FKBP11: variants seen among roughly 807,000 people sequenced by gnomAD.
The protein encoded by FKBP11 is peptidyl-prolyl cis-trans isomerase FKBP11.
A neutral mutation model predicts 24.7 loss-of-function variants in FKBP11; 21 were observed. The observed-to-expected ratio is 0.85, with a 90% CI of 0.60 to 1.23. The LOEUF is 1.23. FKBP11 is among the 50% of genes most tolerant of loss of function. The pLI is 0.00. For missense variants in FKBP11, 245 were observed against 248.7 expected, an observed-to-expected ratio of 0.99 and a Z score of 0.10; for synonymous variants, 106 against 100.6, an observed-to-expected ratio of 1.05 and a Z score of -0.32.
upstream of FKBP11, among the ~76,000 whole-genome samples, chr12:48,928,313 G>C (rs1270420688): frequency 3.3e-5 from 5 of 151,380 alleles, no homozygotes; most frequent in Non-Finnish European, 5.9e-5. Flanking sequence ...TTAAAGTGCT[G>C]GGATTACAGG....
At chr12:48,933,314 G>T in the FKBP11 span, among the ~76,000 whole-genome samples, 1 of 152,154 alleles carries the variant, frequency 6.6e-6, no homozygotes, top group Admixed American at 6.5e-5. Context: ...TCACTCCCCA[G>T]TGACCAGCAA....
upstream of FKBP11, among the ~76,000 whole-genome samples, chr12:48,929,631 G>A (rs1410142197): frequency 6.6e-6 from 1 of 152,124 alleles, no homozygotes; most frequent in Non-Finnish European, 1.5e-5. Flanking sequence ...GCCCTAATCT[G>A]CTTTTCCAAA....
At chr12:48,938,383 G>T in the FKBP11 span, 1 of 454,292 alleles carries the variant, frequency 2.2e-6, no homozygotes, top group South Asian at 1.6e-5. Flanking sequence ...GGCTCCAGTG[G>T]GCAGTGTCCT....
At chr12:48,934,418 G>A in the FKBP11 span, among the ~76,000 whole-genome samples, 1,986 of 152,286 alleles carry the variant, frequency 0.013, 26 homozygotes, top group Non-Finnish European at 0.021. Flanking sequence ...TGGAAGATGG[G>A]ATTGCTGTTT....
chr12:48,922,080 G>T lies in FKBP11; in HGVS notation c.510C>A (p.Gly170=). The T allele has an allele frequency of 6.2e-7, 1 of 1,614,078 alleles. No individual in the cohort carries two copies. Among genetic ancestry groups the T allele is most frequent in the Non-Finnish European group, 8.5e-7 (1 of 1,180,014 alleles). ...TTCTGTATAGGTGATACCCAATGAG[G>T]CCCAGGAGGGCTGGCACCATGGCCA... is the stretch of plus-strand genomic sequence containing the variant. ...VGMAMVPALL[G]LIGYHLYRKA... is the part of the protein sequence containing the mutation. Residue 170 remains glycine (G), a synonymous_variant, in exon 6 of 6, where the codon GGC becomes GGA. Coordinates refer to ENST00000550765, the MANE Select transcript of FKBP11 (RefSeq NM_016594.3).
At chr12:48,922,305 T>C in intron 5 of FKBP11, 104 bp from the exon 6 acceptor site, 1 of 1,043,852 alleles carries the variant, frequency 9.6e-7, no homozygotes, top group Non-Finnish European at 1.4e-6. Context: ...AGCCAACAAC[T>C]ATGAAGCTGA....
the FKBP11 span, among the ~76,000 whole-genome samples, chr12:48,934,041 G>T: frequency 6.6e-6 from 1 of 152,214 alleles, no homozygotes; most frequent in South Asian, 2.1e-4. Flanking sequence ...CCCTCCCTGA[G>T]TTCAGTGGTT....
chr12:48,936,551 TA>T, the FKBP11 span: 1 of 152,726 alleles, frequency 6.5e-6, no homozygotes, highest in Admixed American at 6.5e-5. Flanking sequence ...CAGCCAGGGA[TA>T]CTACCAAGAT....
upstream of FKBP11, among the ~76,000 whole-genome samples, chr12:48,926,713 G>T (rs1033097702): frequency 6.6e-6 from 1 of 151,414 alleles, no homozygotes; most frequent in East Asian, 2.0e-4. Flanking sequence ...GGCTGGTCTC[G>T]AATTCCCAAC....
At chr12:48,934,870 G>C in the FKBP11 span, among the ~76,000 whole-genome samples, 1 of 151,818 alleles carries the variant, frequency 6.6e-6, no homozygotes, top group Non-Finnish European at 1.5e-5. Context: ...AAATTAGCCG[G>C]GTGTGGTGGC....
chr12:48,938,356 G>A, the FKBP11 span: 7 of 454,138 alleles, frequency 1.5e-5, no homozygotes, highest in African/African-American at 6.0e-5. Context: ...TCACCAACAC[G>A]GAAGGGGCAG....
At chr12:48,928,891 C>T (rs1223521268), upstream of FKBP11, among the ~76,000 whole-genome samples, 83 of 140,772 alleles carry the variant, frequency 5.9e-4, no homozygotes, top group African/African-American at 2.1e-3. Context: ...GGTGCAATCT[C>T]GGCTCACTGC....
chr12:48,928,207 G>A (rs994445555), upstream of FKBP11, among the ~76,000 whole-genome samples: 1 of 151,082 alleles, frequency 6.6e-6, no homozygotes, highest in African/African-American at 2.4e-5. Context: ...ACCACACCCG[G>A]CTAATTTTTA....
chr12:48,924,028 A>G (rs1044340906), intron 4 of FKBP11, 176 bp from the exon 5 acceptor site: 2 of 870,040 alleles, frequency 2.3e-6, no homozygotes, highest in African/African-American at 3.3e-5. Flanking sequence ...ATGTGCCTCA[A>G]CTCCCCCGAC....
At chr12:48,931,600 G>A in the FKBP11 span, 1 of 835,036 alleles carries the variant, frequency 1.2e-6, no homozygotes, top group Non-Finnish European at 1.9e-6. Flanking sequence ...CACACTCAAA[G>A]GTGTCTCTGT....
At chr12:48,922,323 T>G in intron 5 of FKBP11, 122 bp from the exon 6 acceptor site, 2 of 909,748 alleles carry the variant, frequency 2.2e-6, no homozygotes, top group South Asian at 3.9e-5. Context: ...TGACAAGATT[T>G]AAATGTGGGC....
chr12:48,930,377 G>C (rs1940032543), upstream of FKBP11, among the ~76,000 whole-genome samples: 1 of 152,208 alleles, frequency 6.6e-6, no homozygotes, highest in African/African-American at 2.4e-5. Context: ...TTTGGGCATG[G>C]GAGAGAGAAG....
chr12:48,930,372 G>T (rs543301878), upstream of FKBP11, among the ~76,000 whole-genome samples: 6 of 152,340 alleles, frequency 3.9e-5, no homozygotes, highest in Non-Finnish European at 8.8e-5. Context: ...TTACGTTTGG[G>T]CATGGGAGAG....
upstream of FKBP11, among the ~76,000 whole-genome samples, chr12:48,930,957 G>A (rs901478557): frequency 2.8e-4 from 43 of 151,744 alleles, 1 homozygote; most frequent in African/African-American, 9.4e-4. Flanking sequence ...GTGAAACCCC[G>A]TCTCTACTAA....
Sources: allele counts gnomAD v4.1 joint callset (sites outside exome capture counted in the v4.1 genomes callset), GRCh38; gene constraint gnomAD v4.1.1; transcripts MANE v1.5; gene names NCBI Gene and HGNC (gene_info 2026-07-23, HGNC 2026-07-21).